Variants in FRMD6 observed in about 807,000 individuals in gnomAD.
The protein encoded by FRMD6 is FERM domain-containing protein 6.
A neutral mutation model predicts 73.2 loss-of-function variants in FRMD6; 37 were observed. The ratio of observed to expected loss-of-function variants is 0.51; its 90% CI spans 0.39 to 0.66. The LOEUF (loss-of-function observed/expected upper bound fraction) is 0.66, where lower values mean the gene tolerates loss of function less well. Ranked by LOEUF, FRMD6 falls within the 30% of genes least tolerant of loss-of-function variation. FRMD6 has a pLI of 0.00. For missense variants in FRMD6, 714 were observed against 780.5 expected (o/e 0.91, Z 1.02); for synonymous variants, 273 against 282.2 (o/e 0.97, Z 0.33).
intron 2 of FRMD6, among the ~76,000 whole-genome samples, chr14:51,619,806 T>G (rs1346499140): frequency 6.6e-6 from 1 of 152,200 alleles, no homozygotes; most frequent in Non-Finnish European, 1.5e-5. Context: ...ATTCCATATG[T>G]TTTCTTTAGG....
intron 2 of FRMD6, among the ~76,000 whole-genome samples, chr14:51,616,762 A>T (rs1890732294): frequency 6.6e-6 from 1 of 152,184 alleles, no homozygotes; most frequent in South Asian, 2.1e-4. Context: ...ATAATCCTAT[A>T]TTTCTGCTAA....
At chr14:51,647,939 C>A (rs537152084), upstream of FRMD6, among the ~76,000 whole-genome samples, 2 of 152,278 alleles carry the variant, frequency 1.3e-5, no homozygotes, top group East Asian at 3.9e-4. Context: ...GATTTTCCTG[C>A]CTCAGCCTCC....
the FRMD6 span, chr14:51,396,923 G>A: frequency 6.6e-6 from 1 of 152,194 alleles, no homozygotes; most frequent in Admixed American, 6.5e-5. Flanking sequence ...TATCCCTGTG[G>A]TTAGGGCTAA....
intron 1 of FRMD6, among the ~76,000 whole-genome samples, chr14:51,495,311 C>A (rs916673842): frequency 6.6e-6 from 1 of 152,208 alleles, no homozygotes; most frequent in African/African-American, 2.4e-5. Flanking sequence ...CTTATATATT[C>A]TCTAAGAATA....
chr14:51,651,317 C>G (rs903059934), upstream of FRMD6: 2 of 152,198 alleles, frequency 1.3e-5, no homozygotes, highest in Non-Finnish European at 2.9e-5. Context: ...GAGTGGCGGG[C>G]GGGCAGGGGG....
intron 2 of FRMD6, among the ~76,000 whole-genome samples, chr14:51,691,252 A>G (rs1054651949): frequency 6.6e-6 from 1 of 152,124 alleles, no homozygotes; most frequent in African/African-American, 2.4e-5. Flanking sequence ...CTATTCATCT[A>G]CTGTTGATGG....
chr14:51,460,862 T>TA, the FRMD6 span, among the ~76,000 whole-genome samples: 2 of 152,220 alleles, frequency 1.3e-5, no homozygotes, highest in African/African-American at 2.4e-5. Flanking sequence ...GATTTTATGT[T>TA]AAAAAATCTG....
At chr14:51,482,234 T>C in the FRMD6 span, among the ~76,000 whole-genome samples, 1 of 152,248 alleles carries the variant, frequency 6.6e-6, no homozygotes, top group Non-Finnish European at 1.5e-5. Flanking sequence ...AGCTATTTGC[T>C]GACCATCTGA....
intron 1 of FRMD6, among the ~76,000 whole-genome samples, chr14:51,540,166 A>G (rs947710571): frequency 1.3e-5 from 2 of 152,112 alleles, no homozygotes; most frequent in African/African-American, 2.4e-5. Context: ...ATTGAGGGTG[A>G]TAGGGAACCA....
At chr14:51,548,015 G>A (rs944995152) in intron 1 of FRMD6, 1 of 152,124 alleles carries the variant, frequency 6.6e-6, no homozygotes, top group African/African-American at 2.4e-5. Context: ...GGTGATGGAT[G>A]TGAAATCAGC....
the FRMD6 span, chr14:51,454,377 ACATTTTGGTG>A: frequency 1.1e-4 from 16 of 152,248 alleles, no homozygotes; most frequent in African/African-American, 3.9e-4. Context: ...ACCACAGTTA[ACATTTTGGTG>A]CATTTCCTTC....
the FRMD6 span, among the ~76,000 whole-genome samples, chr14:51,447,881 A>G: frequency 6.6e-6 from 1 of 152,154 alleles, no homozygotes; most frequent in Admixed American, 6.5e-5. Context: ...ATCATGGCCA[A>G]AATTATTTTC....
chr14:51,498,236 T>G (rs1883413784), intron 1 of FRMD6, among the ~76,000 whole-genome samples: 1 of 152,238 alleles, frequency 6.6e-6, no homozygotes, highest in South Asian at 2.1e-4. Context: ...AGGTACAGTT[T>G]TTGCTTTACA....
intron 2 of FRMD6, among the ~76,000 whole-genome samples, chr14:51,632,783 C>T (rs2139987093): frequency 6.6e-6 from 1 of 152,292 alleles, no homozygotes; most frequent in Admixed American, 6.5e-5. Context: ...GATTGAGACA[C>T]TGGTTAATGG....
chr14:51,660,811 G>A (rs1015833868), intron 1 of FRMD6, among the ~76,000 whole-genome samples: 1 of 152,092 alleles, frequency 6.6e-6, no homozygotes, highest in African/African-American at 2.4e-5. Flanking sequence ...GTATAGTCAA[G>A]GTAGGCCTCA....
chr14:51,701,089 A>G lies in FRMD6; in HGVS notation c.224A>G (p.Lys75Arg). The change falls in exon 4 of 14, where the codon AAG becomes AGG. Residue 75 changes from lysine (K) to arginine (R), a missense_variant. By Grantham distance (26) the Lys-to-Arg change is conservative. Coordinates refer to ENST00000344768, the MANE Select transcript of FRMD6 (RefSeq NM_001267046.2). The stretch of plus-strand genomic sequence containing the variant: ...CATGTGTATATGGAGTTGTCACAAA[A>G]GCTTTACAAATATTGTCCAAAAGAA... ...NEHVYMELSQ[K>R]LYKYCPKEWK... The G allele has an allele frequency of 6.3e-7, 1 of 1,576,714 alleles. No individual in the cohort carries two copies. The highest frequency in any genetic ancestry group is 8.6e-7 in the Non-Finnish European group (1 of 1,157,766).
In FRMD6 at chr14:51,708,341, T is replaced by G. The variant is rs1210086925; in HGVS notation, c.714+108T>G. 2.8e-6 allele frequency: 3 copies of G among 1,060,210 alleles called. No individual in the cohort carries two copies. The African/African-American group carries it at 4.8e-5, about 17-fold the overall frequency. 65.7% of individuals were successfully genotyped at this position (1,060,210 alleles called of 1,614,324 possible). A position where few individuals can be genotyped will look rare whatever the true frequency, so the allele number is the denominator to read the frequency against. On this transcript the variant is annotated intron_variant, in intron 7 of 13. Transcript: ENST00000344768. ...ATTTCCATTAAAACTTATTTCATTT[T>G]TTACATGCTTTTAAAAGAGTTTCAT...
intron 2 of FRMD6, among the ~76,000 whole-genome samples, chr14:51,630,337 G>A (rs1891287597): frequency 1.3e-5 from 2 of 152,134 alleles, no homozygotes; most frequent in Non-Finnish European, 2.9e-5. Context: ...GGCACAGAGT[G>A]TAGGCAAATT....
chr14:51,561,419 G>A (rs564373348), intron 1 of FRMD6, among the ~76,000 whole-genome samples: 9 of 152,302 alleles, frequency 5.9e-5, no homozygotes, highest in South Asian at 2.1e-4. Flanking sequence ...TTGTACTGCA[G>A]CCTGCTGTGG....
Sources: gnomAD v4.1 joint callset for allele counts (sites outside exome capture counted in the v4.1 genomes callset) on GRCh38, gnomAD v4.1.1 for gene constraint, MANE v1.5 for transcripts, NCBI Gene and HGNC (gene_info 2026-07-23, HGNC 2026-07-21) for gene names.